The following NBPF4 variants were observed in gnomAD, a reference collection of about 807,000 sequenced individuals.
NBPF4 encodes the protein NBPF family member NBPF4.
NBPF4 carries 11 observed loss-of-function variants against 21.1 expected under a neutral mutation model. That is an observed-to-expected ratio of 0.52 (90% CI 0.33 to 0.86). The LOEUF (loss-of-function observed/expected upper bound fraction) is 0.86. Ranked by LOEUF, NBPF4 falls within the 40% of genes least tolerant of loss-of-function variation. The pLI, the probability that NBPF4 is intolerant of heterozygous loss-of-function variation, is 0.03. For missense variants in NBPF4, 88 were observed against 265.3 expected (o/e 0.33, Z 4.64); for synonymous variants, 47 against 106.4 (o/e 0.44, Z 3.43).
chr1:108,223,872 A>G, intron 14 of NBPF4, 126 bp from the exon 15 acceptor site: 4 of 1,085,814 alleles, frequency 3.7e-6, no homozygotes, highest in Non-Finnish European at 5.4e-6. Context: ...GATGAGCTGA[A>G]GGGTGAGTCC....
the NBPF4 span, among the ~76,000 whole-genome samples, chr1:108,257,922 G>A: frequency 1.7e-4 from 25 of 142,998 alleles, 1 homozygote; most frequent in Admixed American, 4.2e-4. Context: ...CTAAGTTTTC[G>A]TGCTTTTAGT....
rs1649575771 is a variant in NBPF4 at position 108,229,062 on chromosome 1, T to C, written c.1518A>G (p.Pro506=). ...EVQVSQAQLE[P]STLVPSCLRL... ...GCAGACAACTGGGCACCAGGGTGCT[T>C]GGTTCCAGCTGTGCCTGTGAAACTT... Residue 506 remains proline (P), a synonymous_variant, in exon 13 of 15, where the codon CCA becomes CCG. Transcript: ENST00000415641. 1 of 1,550,954 alleles carries C rather than the reference T, an allele frequency of 6.4e-7. No homozygotes were observed. The highest frequency in any genetic ancestry group is 2.4e-5 in the East Asian group (1 of 40,888).
chr1:108,258,802 T>C, the NBPF4 span, among the ~76,000 whole-genome samples: 2,360 of 89,656 alleles, frequency 0.026, 30 homozygotes, highest in Admixed American at 0.037. Flanking sequence ...TAAAATTTAG[T>C]ATTCAATAAT....
chr1:108,268,652 A>G, the NBPF4 span, among the ~76,000 whole-genome samples: 2 of 150,436 alleles, frequency 1.3e-5, no homozygotes, highest in African/African-American at 4.9e-5. Context: ...AGCTACATCA[A>G]CTTTGGGAAT....
chr1:108,247,830 G>T (rs1649884167), upstream of NBPF4, among the ~76,000 whole-genome samples: 1 of 107,996 alleles, frequency 9.3e-6, no homozygotes, highest in African/African-American at 3.3e-5. Context: ...AGTGTGAGAT[G>T]CTTTTTTTTT....
intron 14 of NBPF4, among the ~76,000 whole-genome samples, chr1:108,224,531 A>C (rs1174756498): frequency 1.4e-5 from 2 of 146,702 alleles, no homozygotes; most frequent in African/African-American, 5.1e-5. Context: ...TATAATTATA[A>C]GTTTTTGTCC....
the NBPF4 span, among the ~76,000 whole-genome samples, chr1:108,258,521 A>G: frequency 1.4e-5 from 2 of 140,420 alleles, 1 homozygote; most frequent in Non-Finnish European, 3.1e-5. Context: ...TACATTTGGC[A>G]GTGACAATAT....
intron 9 of NBPF4, 63 bp from the exon 10 acceptor site, chr1:108,234,474 G>A (rs1392947680): frequency 1.5e-4 from 1 of 6,774 alleles, no homozygotes; most frequent in Admixed American, 5.4e-4. Context: ...TGGATTTCAC[G>A]TGAGGCATGA....
intron 14 of NBPF4, among the ~76,000 whole-genome samples, chr1:108,224,046 G>T (rs2964847): frequency 0.43 from 52,243 of 121,862 alleles, 10,424 homozygotes; most frequent in South Asian, 0.55. Context: ...AGCAGAGTGA[G>T]GGCTTTTCCT....
chr1:108,263,998 C>A, the NBPF4 span, among the ~76,000 whole-genome samples: 1 of 107,926 alleles, frequency 9.3e-6, no homozygotes. Context: ...AATTAACCAG[C>A]CAGTATCATG....
At chr1:108,226,477 G>C (rs1292539433) in intron 14 of NBPF4, among the ~76,000 whole-genome samples, 1 of 151,128 alleles carries the variant, frequency 6.6e-6, no homozygotes, top group South Asian at 2.1e-4. Context: ...GAATAGAGCA[G>C]AGTTCAGAGA....
At chr1:108,244,901 G>GATAGATATAT (rs1389900748), upstream of NBPF4, among the ~76,000 whole-genome samples, 2 of 12,446 alleles carry the variant, frequency 1.6e-4, no homozygotes, top group African/African-American at 5.7e-4. Flanking sequence ...TATTGTTGGA[G>GATAGATATAT]ATATATATAT....
upstream of NBPF4, among the ~76,000 whole-genome samples, chr1:108,245,005 G>A (rs569517389): frequency 1.8e-4 from 14 of 77,712 alleles, 1 homozygote; most frequent in Middle Eastern, 0.017. Context: ...TCCACTAACC[G>A]AACCTGGCAA....
rs1558038075 is a variant in NBPF4, at chr1:108,223,686, T to C, written c.*19A>G. The C allele has an allele frequency of 6.4e-7, 1 of 1,573,320 alleles. No homozygotes were observed. The highest frequency in any genetic ancestry group is 2.4e-5 in the East Asian group (1 of 42,252). On this transcript the variant is annotated 3_prime_UTR_variant, in exon 15 of 15. Coordinates refer to ENST00000415641, the MANE Select transcript of NBPF4 (RefSeq NM_001143989.3). ...AGTTGTTTTTATCAAGTGGAAAAGC[T>C]GCTTTTTGTGACATTCTTTCATCCT...
the NBPF4 span, among the ~76,000 whole-genome samples, chr1:108,267,140 T>TG: frequency 7.4e-6 from 1 of 135,064 alleles, no homozygotes; most frequent in Non-Finnish European, 1.6e-5. Context: ...CTTGTCTTAC[T>TG]GGCTACTGAA....
upstream of NBPF4, among the ~76,000 whole-genome samples, chr1:108,245,930 G>T (rs1190915664): frequency 1.5e-4 from 16 of 108,210 alleles, 3 homozygotes; most frequent in Non-Finnish European, 3.0e-4. Flanking sequence ...AACAGTGTGG[G>T]AAATAACCTC....
Position 108,229,002 on chromosome 1 carries a change from G to A in NBPF4, c.1578C>T (p.Asn526=), listed in dbSNP as rs760936384. 3.2e-5 allele frequency: 50 copies of A among 1,545,392 alleles called. No individual in the cohort carries two copies. The highest frequency in any genetic ancestry group is 1.8e-4 in the South Asian group (15 of 83,858). Residue 526 remains asparagine, a synonymous_variant, in exon 13 of 15, where the codon AAC becomes AAT. Transcript: ENST00000415641. ...AGGAAAGGCCCCGCTGGGCCAAGCC[G>A]TTCCCACAGTGGAACCCTTGATCCA... is the stretch of plus-strand genomic sequence containing the variant. ...LQLDQGFHCG[N]GLAQRGLSST...
intron 3 of NBPF4, among the ~76,000 whole-genome samples, chr1:108,241,379 TACAC>T (rs1649708403): frequency 7.0e-6 from 1 of 143,284 alleles, no homozygotes; most frequent in Non-Finnish European, 1.5e-5. Flanking sequence ...TATACAAACA[TACAC>T]ACACATATAT....
chr1:108,244,948 A>ATATATG, upstream of NBPF4, among the ~76,000 whole-genome samples: 1 of 32,696 alleles, frequency 3.1e-5, no homozygotes, highest in African/African-American at 1.3e-4. Context: ...ATATATATAT[A>ATATATG]CACACACATA....
Sources: gnomAD v4.1 joint callset for allele counts (sites outside exome capture counted in the v4.1 genomes callset) on GRCh38, gnomAD v4.1.1 for gene constraint, MANE v1.5 for transcripts, NCBI Gene and HGNC (gene_info 2026-07-23, HGNC 2026-07-21) for gene names.